Variants in MTMR14 observed in about 807,000 individuals in gnomAD.
The protein encoded by MTMR14 is myotubularin related protein 14.
MTMR14 carries 48 observed loss-of-function variants against 86.3 expected under a neutral mutation model. The observed-to-expected ratio is 0.56, with a 90% CI of 0.44 to 0.71. The LOEUF is 0.71. Ranked by LOEUF, MTMR14 falls within the 30% of genes least tolerant of loss-of-function variation. The probability of loss-of-function intolerance (pLI) is 0.00; values close to 1 mark genes in which losing one functional copy is unlikely to be tolerated. For synonymous variants in MTMR14, 366 were observed against 326.1 expected, an observed-to-expected ratio of 1.12 and a Z score of -1.32; for missense variants, 780 against 834.6, an observed-to-expected ratio of 0.93 and a Z score of 0.81.
In MTMR14 at chr3:9,652,554, A is replaced by G. The variant is rs868100811; in HGVS notation, c.160-1067A>G. 9.2e-5 allele frequency among the ~76,000 whole-genome samples: 14 copies of G among 152,180 alleles called. 1 individual carries two copies. The highest frequency in any genetic ancestry group is 3.4e-3 in the Middle Eastern group (1 of 294). On this transcript the variant is annotated intron_variant, in intron 1 of 18. Coordinates refer to ENST00000296003, the MANE Select transcript of MTMR14 (RefSeq NM_001077525.3). Reference sequence around the variant, plus strand: ...GACTGCTTCAGCCCAGGAGTTCGAGAGCAGCCTGGAAACATGAACCCCATC... The same window carrying G: ...GACTGCTTCAGCCCAGGAGTTCGAGGGCAGCCTGGAAACATGAACCCCATC...
Position 9,702,226 on chromosome 3 carries a change from T to G in MTMR14, c.*253T>G, listed in dbSNP as rs2076482508. On this transcript the variant is annotated 3_prime_UTR_variant, in exon 19 of 19. Transcript: ENST00000296003. ...CACCCCATCTTTGCTGGGATTCCCA[T>G]CAACTCTCAGAACTGTGTGGGGTTT... 15 of 560,744 alleles carry G rather than the reference T, an allele frequency of 2.7e-5. No individual in the cohort carries two copies. Among genetic ancestry groups the G allele is most frequent in the Non-Finnish European group, 4.5e-5 (14 of 310,372 alleles). The allele number at this position is 560,744 out of a possible 1,614,324, so 34.7% of individuals were successfully genotyped here. A position where few individuals can be genotyped will look rare whatever the true frequency, so the allele number is the denominator to read the frequency against.
chr3:9,691,254 G>A (rs1043582177), intron 17 of MTMR14, among the ~76,000 whole-genome samples: 2 of 152,188 alleles, frequency 1.3e-5, no homozygotes, highest in African/African-American at 4.8e-5. Context: ...TGAAACCACC[G>A]CCACACGCCG....
rs778781468 is a variant in MTMR14, at chr3:9,702,002, C to T, written c.*29C>T. 6.8e-6 allele frequency: 11 copies of T among 1,613,274 alleles called. No individual in the cohort carries two copies. The highest frequency in any genetic ancestry group is 2.2e-5 in the East Asian group (1 of 44,898). ...AGCCAGCCCATGACATTTTCCTGCT[C>T]CTCTCTCAGCTGAGCCCTTAGCAGA... On this transcript the variant is annotated 3_prime_UTR_variant, in exon 19 of 19. Coordinates refer to ENST00000296003, the MANE Select transcript of MTMR14 (RefSeq NM_001077525.3).
Position 9,649,616 on chromosome 3 carries a change from C to G in MTMR14, c.33C>G (p.Ala11=), listed in dbSNP as rs1356051409. The G allele has an allele frequency of 1.9e-6, 3 of 1,552,006 alleles. No individual in the cohort carries two copies. Among genetic ancestry groups the G allele is most frequent in the Non-Finnish European group, 2.6e-6 (3 of 1,148,798 alleles). Residue 11 remains alanine, a synonymous_variant, in exon 1 of 19, where the codon GCC becomes GCG. Coordinates refer to ENST00000296003, the MANE Select transcript of MTMR14 (RefSeq NM_001077525.3). MAGARAAAAA[A]SAGSSASSGN... is the part of the protein sequence containing the mutation. The stretch of plus-strand genomic sequence containing the variant: ...GCGCTCGGGCCGCCGCCGCCGCTGC[C>G]TCGGCGGGGTCCTCGGCCTCTTCAG...
In MTMR14 at chr3:9,671,197, G is replaced by A. The variant is rs770852915; in HGVS notation, c.677+27G>A. 27 of 1,613,890 alleles carry A rather than the reference G, an allele frequency of 1.7e-5. No homozygotes were observed. In the East Asian group the frequency reaches 5.8e-4, roughly 35 times the overall value. ...TAAGTACAGGCGCCCACTACAAAAT[G>A]AGCAGAGGCAGTGTGTACAGATTTG... On this transcript the variant is annotated intron_variant, in intron 6 of 18. Transcript: ENST00000296003.
At chr3:9,653,940 G>A (rs2047455262) in intron 2 of MTMR14, 171 bp downstream of exon 2, 2 of 840,694 alleles carry the variant, frequency 2.4e-6, no homozygotes, top group African/African-American at 1.7e-5. Context: ...AAGGTGGCAT[G>A]GCATAGAATG....
chr3:9,658,506 A>C (rs942115820), intron 2 of MTMR14, among the ~76,000 whole-genome samples: 2 of 152,248 alleles, frequency 1.3e-5, no homozygotes, highest in Non-Finnish European at 2.9e-5. Context: ...AGAGTCCAAT[A>C]AAGAAGCAAT....
chr3:9,662,176 A>G (rs1214521602), intron 2 of MTMR14, 91 bp from the exon 3 acceptor site: 8 of 884,302 alleles, frequency 9.0e-6, no homozygotes, highest in Non-Finnish European at 1.3e-5. Context: ...ATGTACACAG[A>G]TCTAGTATGG....
In MTMR14 at chr3:9,684,694, A is replaced by T. The variant is rs749537628; in HGVS notation, c.1050+24A>T. Reference sequence around the variant, plus strand: ...CTGTGAGTATGAATCGGCCCCTACCAAGCTCTGCTCTTTGGGTGTGTTAGG... The same window carrying T: ...CTGTGAGTATGAATCGGCCCCTACCTAGCTCTGCTCTTTGGGTGTGTTAGG... On this transcript the variant is annotated intron_variant, in intron 11 of 18. Coordinates refer to ENST00000296003, the MANE Select transcript of MTMR14 (RefSeq NM_001077525.3). The T allele has an allele frequency of 1.9e-6, 3 of 1,613,018 alleles. No homozygotes were observed. In the South Asian group the frequency reaches 3.3e-5, roughly 18 times the overall value.
At position 9,701,911 on chromosome 3, in the gene MTMR14, G is replaced by T. The variant is rs1315956408; in HGVS notation, c.1891G>T (p.Gly631Cys). The change falls in exon 19 of 19, where the codon GGC (glycine) becomes TGC (cysteine). Residue 631 changes from glycine (G) to cysteine (C), a missense_variant. Physicochemically the swap from Gly to Cys is radical, Grantham distance 159. Transcript: ENST00000296003. This position sits in a 1 kb window ranked among gnomAD's most constrained non-coding sequence, Gnocchi z 4.2. Reference sequence around the variant, plus strand: ...CCCCAGTCCTTCCGGTGCCATCGGGGGCCTGCTGGAGCAATTTGCCCGTGG... The same window carrying T: ...CCCCAGTCCTTCCGGTGCCATCGGGTGCCTGCTGGAGCAATTTGCCCGTGG... ...VAPSPSGAIG[G>C]LLEQFARGVG... is the part of the protein sequence containing the mutation. The T allele has an allele frequency of 6.2e-7, 1 of 1,614,210 alleles. No individual in the cohort carries two copies. The highest frequency in any genetic ancestry group is 8.5e-7 in the Non-Finnish European group (1 of 1,180,048).
intron 3 of MTMR14, 143 bp from the exon 4 acceptor site, chr3:9,668,576 C>T: frequency 1.3e-6 from 1 of 757,236 alleles, no homozygotes; most frequent in Non-Finnish European, 2.3e-6. Context: ...CTGATTGTGG[C>T]AGCCTTGATG....
intron 2 of MTMR14, among the ~76,000 whole-genome samples, chr3:9,656,658 A>G (rs866134002): frequency 3.3e-5 from 5 of 152,154 alleles, no homozygotes; most frequent in Non-Finnish European, 4.4e-5. Flanking sequence ...GGCTCAAACA[A>G]TCCGCCTGCC....
At chr3:9,670,606 T>G (rs755456452) in intron 5 of MTMR14, among the ~76,000 whole-genome samples, 64 of 151,884 alleles carry the variant, frequency 4.2e-4, no homozygotes, top group Non-Finnish European at 7.6e-4. Context: ...TCTGTACAAG[T>G]ATTTCAGACT....
At chr3:9,690,978 G>A (rs180718555) in intron 17 of MTMR14, among the ~76,000 whole-genome samples, 2 of 152,312 alleles carry the variant, frequency 1.3e-5, no homozygotes, top group Non-Finnish European at 2.9e-5. Flanking sequence ...ACTCAGTTTA[G>A]TCCTTGGTAG....
rs1455145047 is a variant in MTMR14 at position 9,690,138 on chromosome 3, A to T, written c.1608A>T (p.Lys536Asn). The change falls in exon 17 of 19, where the codon AAA becomes AAT. Residue 536 changes from lysine (K) to asparagine (N), a missense_variant. Coordinates refer to ENST00000296003, the MANE Select transcript of MTMR14 (RefSeq NM_001077525.3). ...RMGSSPLEVP[K>N]PRSVDHPLPG... is the part of the protein sequence containing the mutation. ...GTAGCAGTCCCCTGGAGGTCCCCAA[A>T]CCCAGGTGAGGAGCTCCAAAGCCCT... is the stretch of plus-strand genomic sequence containing the variant. The T allele has an allele frequency of 6.2e-7, 1 of 1,613,450 alleles. No homozygotes were observed. Among genetic ancestry groups the T allele is most frequent in the East Asian group, 2.2e-5 (1 of 44,890 alleles).
At chr3:9,683,131 T>TAC in intron 9 of MTMR14, 47 bp from the exon 10 acceptor site, 6 of 1,562,368 alleles carry the variant, frequency 3.8e-6, no homozygotes, top group Non-Finnish European at 5.3e-6. Context: ...ATACTTTAAA[T>TAC]TCTAAATCTG....
intron 17 of MTMR14, among the ~76,000 whole-genome samples, chr3:9,696,859 TG>T (rs1376564346): frequency 6.6e-6 from 1 of 152,198 alleles, no homozygotes; most frequent in African/African-American, 2.4e-5. Flanking sequence ...TCCTGGGGAC[TG>T]GGACCTGGGG....
intron 7 of MTMR14, among the ~76,000 whole-genome samples, chr3:9,673,680 A>T (rs566970297): frequency 7.9e-5 from 12 of 152,220 alleles, no homozygotes; most frequent in Admixed American, 7.8e-4. Context: ...TGTCCTCATC[A>T]TGTGCAAGCT....
chr3:9,680,698 G>T (rs149487706), intron 9 of MTMR14, among the ~76,000 whole-genome samples: 1 of 152,330 alleles, frequency 6.6e-6, no homozygotes, highest in African/African-American at 2.4e-5. Flanking sequence ...TTAGCCGGGC[G>T]TGGTGGCGGG....
Sources: allele counts gnomAD v4.1 joint callset (sites outside exome capture counted in the v4.1 genomes callset), GRCh38; gene constraint gnomAD v4.1.1; non-coding constraint Gnocchi (gnomAD v3.1); transcripts MANE v1.5; gene names NCBI Gene and HGNC (gene_info 2026-07-23, HGNC 2026-07-21).